Variants in TPRG1 observed in about 807,000 individuals in gnomAD.
TPRG1 encodes the protein tumor protein p63-regulated gene 1 protein.
In TPRG1, 29 loss-of-function variants were observed where a neutral mutation model predicts 29.3. The ratio of observed to expected loss-of-function variants is 0.99; its 90% CI spans 0.74 to 1.35. TPRG1 has a LOEUF of 1.35. Ranked by LOEUF, TPRG1 falls within the 40% of genes most tolerant of loss-of-function variation. TPRG1 has a pLI of 0.00. For missense variants in TPRG1, 327 were observed against 335.0 expected, an observed-to-expected ratio of 0.98 and a Z score of 0.19; for synonymous variants, 130 against 116.8, an observed-to-expected ratio of 1.11 and a Z score of -0.73.
At chr3:189,068,181 G>C (rs1321012338) in intron 4 of TPRG1, among the ~76,000 whole-genome samples, 1 of 152,112 alleles carries the variant, frequency 6.6e-6, no homozygotes, top group African/African-American at 2.4e-5. Flanking sequence ...GCAAGAATGT[G>C]GAGAAAAAGT....
intron 1 of TPRG1, among the ~76,000 whole-genome samples, chr3:189,188,983 C>T (rs1731319676): frequency 6.6e-6 from 1 of 152,086 alleles, no homozygotes; most frequent in African/African-American, 2.4e-5. Flanking sequence ...ATTTCGTTTA[C>T]AAAATAAAAT....
At chr3:189,114,985 T>C (rs1307145773) in intron 1 of TPRG1, among the ~76,000 whole-genome samples, 1 of 152,218 alleles carries the variant, frequency 6.6e-6, no homozygotes, top group Non-Finnish European at 1.5e-5. Context: ...TAGGAATTTC[T>C]GTTTTTACAC....
intron 1 of TPRG1, among the ~76,000 whole-genome samples, chr3:188,999,128 C>T (rs553976035): frequency 6.6e-6 from 1 of 152,082 alleles, no homozygotes; most frequent in East Asian, 1.9e-4. Flanking sequence ...GGTAGTGAGA[C>T]CAGTTAGGGA....
intron 4 of TPRG1, among the ~76,000 whole-genome samples, chr3:189,029,510 A>G (rs983595733): frequency 1.3e-5 from 2 of 152,224 alleles, no homozygotes; most frequent in African/African-American, 2.4e-5. Context: ...GGCCCACACA[A>G]TCTTAATTAA....
chr3:189,062,316 A>G (rs944968433), intron 4 of TPRG1, among the ~76,000 whole-genome samples: 2 of 152,164 alleles, frequency 1.3e-5, no homozygotes, highest in Non-Finnish European at 2.9e-5. Context: ...GAAGAGGATC[A>G]GAGAAAATAA....
chr3:189,083,781 A>G (rs1299647936), intron 4 of TPRG1, among the ~76,000 whole-genome samples: 1 of 152,224 alleles, frequency 6.6e-6, no homozygotes, highest in Non-Finnish European at 1.5e-5. Context: ...TCCAGGTTCA[A>G]AACCCATTTT....
chr3:189,251,388 C>T (rs558281073), intron 4 of TPRG1, among the ~76,000 whole-genome samples: 2 of 152,148 alleles, frequency 1.3e-5, no homozygotes, highest in African/African-American at 2.4e-5. Context: ...GTGGGTTGCC[C>T]CTCCACACCT....
At chr3:189,134,743 C>A (rs1024628009) in intron 3 of TPRG1, among the ~76,000 whole-genome samples, 2 of 152,096 alleles carry the variant, frequency 1.3e-5, no homozygotes, top group African/African-American at 4.8e-5. Context: ...ATACATTTTA[C>A]TCATATGTTA....
At chr3:189,201,804 C>A (rs1378745180) in intron 1 of TPRG1, among the ~76,000 whole-genome samples, 1 of 152,072 alleles carries the variant, frequency 6.6e-6, no homozygotes, top group Admixed American at 6.6e-5. Flanking sequence ...GGGCCTGCCA[C>A]CACGCCTGGC....
At position 189,238,820 on chromosome 3, in the gene TPRG1, G is replaced by A. The variant is rs768488932; in HGVS notation, c.390G>A (p.Leu130=). 6 of 1,613,834 alleles carry A rather than the reference G, an allele frequency of 3.7e-6. No homozygotes were observed. The highest frequency in any genetic ancestry group is 5.1e-6 in the Non-Finnish European group (6 of 1,179,756). Residue 130 remains leucine, a synonymous_variant, in exon 4 of 6, where the codon CTG becomes CTA. Transcript: ENST00000345063. ...LLICKYDFIM[L]SCVQLQRIPL... ...TCTGCAAATACGACTTCATCATGCT[G>A]AGTTGTGTGCAGCTGCAGCGGATTC... is the stretch of plus-strand genomic sequence containing the variant.
intron 4 of TPRG1, among the ~76,000 whole-genome samples, chr3:189,085,328 A>T (rs911972249): frequency 3.3e-5 from 5 of 152,222 alleles, no homozygotes; most frequent in African/African-American, 1.2e-4. Context: ...CACATCTCAT[A>T]GTATTTGCAA....
chr3:189,201,167 A>T (rs1733421818), intron 1 of TPRG1, among the ~76,000 whole-genome samples: 1 of 152,178 alleles, frequency 6.6e-6, no homozygotes, highest in African/African-American at 2.4e-5. Context: ...TGGTTTATAA[A>T]TTATTCAGCC....
At chr3:189,282,203 A>C (rs1238417075) in intron 4 of TPRG1, among the ~76,000 whole-genome samples, 5 of 94,038 alleles carry the variant, frequency 5.3e-5, no homozygotes, top group Middle Eastern at 7.7e-3. Flanking sequence ...CAGTAGGCAT[A>C]ATAGTCCTTT....
intron 4 of TPRG1, among the ~76,000 whole-genome samples, chr3:189,259,583 C>T (rs1201634484): frequency 1.3e-5 from 2 of 150,796 alleles, no homozygotes; most frequent in African/African-American, 2.4e-5. Flanking sequence ...ACTCTCCTGC[C>T]TCAGCCTCCC....
intron 4 of TPRG1, among the ~76,000 whole-genome samples, chr3:189,081,846 T>C (rs575951997): frequency 6.6e-6 from 1 of 152,328 alleles, no homozygotes; most frequent in South Asian, 2.1e-4. Context: ...TGGTTATAAT[T>C]CTGTATTGAT....
rs536287237 is a variant in TPRG1 at position 189,291,001 on chromosome 3, A to G, written c.480-19385A>G. On this transcript the variant is annotated intron_variant, in intron 4 of 5. Coordinates refer to ENST00000345063, the MANE Select transcript of TPRG1 (RefSeq NM_198485.4). ...CACTGCAAGCTCCGCCTCCGGGTTC[A>G]CGCCATTCTCCTGCCTCAGCCTCCC... 3.4e-3 allele frequency among the ~76,000 whole-genome samples: 522 copies of G among 152,228 alleles called. 2 individuals carry two copies. Among genetic ancestry groups the G allele is most frequent in the Non-Finnish European group, 3.4e-3 (229 of 68,008 alleles).
At chr3:189,101,027 A>C (rs1478147064) in intron 1 of TPRG1, among the ~76,000 whole-genome samples, 1 of 152,222 alleles carries the variant, frequency 6.6e-6, no homozygotes, top group Non-Finnish European at 1.5e-5. Flanking sequence ...GCACTCTGCC[A>C]GGCCTCACAT....
intron 5 of TPRG1, among the ~76,000 whole-genome samples, chr3:189,312,139 T>TC (rs1560689177): frequency 3.3e-5 from 2 of 60,476 alleles, no homozygotes; most frequent in African/African-American, 7.9e-5. Context: ...CTTTCTTTCT[T>TC]TCTTTCTTTC....
chr3:189,097,512 G>C (rs1191456234), upstream of TPRG1, among the ~76,000 whole-genome samples: 1 of 152,212 alleles, frequency 6.6e-6, no homozygotes, highest in Non-Finnish European at 1.5e-5. Context: ...TCAGGAAACA[G>C]CAGAAGCCCT....
Sources: gnomAD v4.1 joint callset for allele counts (sites outside exome capture counted in the v4.1 genomes callset) on GRCh38, gnomAD v4.1.1 for gene constraint, MANE v1.5 for transcripts, NCBI Gene and HGNC (gene_info 2026-07-23, HGNC 2026-07-21) for gene names.